Variants in TMEM117 observed in about 807,000 individuals in gnomAD.
The protein encoded by TMEM117 is transmembrane protein 117.
A neutral mutation model predicts 52.4 loss-of-function variants in TMEM117; 27 were observed. The ratio of observed to expected loss-of-function variants is 0.51; its 90% CI spans 0.38 to 0.71. The LOEUF (loss-of-function observed/expected upper bound fraction) is 0.71, where lower values mean the gene tolerates loss of function less well. TMEM117 is among the 30% of genes least tolerant of loss of function. The probability of loss-of-function intolerance (pLI) is 0.00; values close to 1 mark genes in which losing one functional copy is unlikely to be tolerated. For synonymous variants in TMEM117, 215 were observed against 206.3 expected (o/e 1.04, Z -0.36); for missense variants, 556 against 630.5 (o/e 0.88, Z 1.26).
intron 5 of TMEM117, among the ~76,000 whole-genome samples, chr12:44,259,678 A>G (rs1950299137): frequency 6.6e-6 from 1 of 152,192 alleles, no homozygotes; most frequent in African/African-American, 2.4e-5. Flanking sequence ...AAATGTTTCC[A>G]TGCATCCTTA....
intron 2 of TMEM117, among the ~76,000 whole-genome samples, chr12:43,884,104 C>T (rs1943946385): frequency 6.7e-6 from 1 of 150,334 alleles, no homozygotes; most frequent in African/African-American, 2.4e-5. Flanking sequence ...CCACTGCACT[C>T]CAGCCTGGGC....
intron 3 of TMEM117, among the ~76,000 whole-genome samples, chr12:43,950,930 G>A (rs1945210351): frequency 6.6e-6 from 1 of 152,164 alleles, no homozygotes; most frequent in Non-Finnish European, 1.5e-5. Context: ...GATGGTTTCT[G>A]CATTTCCAGC....
In TMEM117 at chr12:43,929,320, A is replaced by G. The variant is rs146653867; in HGVS notation, c.278-14890A>G. On this transcript the variant is annotated intron_variant, in intron 2 of 7. Transcript: ENST00000266534. ...TTTTTAATATTTTATTATTACTACT[A>G]TACTACCTTATTAATTACACATACT... 4.9e-3 allele frequency among the ~76,000 whole-genome samples: 752 copies of G among 152,262 alleles called. 5 individuals are homozygous for G. The highest frequency in any genetic ancestry group is 7.9e-3 in the Non-Finnish European group (536 of 68,010).
chr12:44,044,156 C>T (rs1946845519), intron 3 of TMEM117, among the ~76,000 whole-genome samples: 1 of 152,156 alleles, frequency 6.6e-6, no homozygotes, highest in African/African-American at 2.4e-5. Flanking sequence ...CCTTGTGAAA[C>T]AGATTTGTGA....
chr12:44,173,303 C>G (rs1046600981), intron 4 of TMEM117, among the ~76,000 whole-genome samples: 2 of 152,178 alleles, frequency 1.3e-5, no homozygotes, highest in African/African-American at 4.8e-5. Context: ...TCTCAAACTC[C>G]TGAGCTCAGG....
At chr12:44,128,763 G>T (rs1398183864) in intron 3 of TMEM117, among the ~76,000 whole-genome samples, 2 of 152,170 alleles carry the variant, frequency 1.3e-5, no homozygotes, top group Non-Finnish European at 2.9e-5. Flanking sequence ...TAAGCTGATT[G>T]TGTAGAAATA....
At chr12:44,325,471 A>AT (rs146446003) in intron 6 of TMEM117, among the ~76,000 whole-genome samples, 7,177 of 151,208 alleles carry the variant, frequency 0.047, 354 homozygotes, top group African/African-American at 0.12. Context: ...CAGTGGAGAT[A>AT]TTTTTTCTCA....
At chr12:44,130,835 A>G (rs56218625) in intron 3 of TMEM117, among the ~76,000 whole-genome samples, 15,777 of 151,854 alleles carry the variant, frequency 0.1, 921 homozygotes, top group Middle Eastern at 0.2. Context: ...AGAGCTGATT[A>G]TTTGTTTAAT....
intron 6 of TMEM117, among the ~76,000 whole-genome samples, chr12:44,353,810 G>C (rs944588803): frequency 2.6e-5 from 4 of 152,150 alleles, no homozygotes; most frequent in African/African-American, 9.7e-5. Flanking sequence ...GAACTTCAAA[G>C]TAGTTTTTTC....
At chr12:44,328,661 A>T (rs141466651) in intron 6 of TMEM117, among the ~76,000 whole-genome samples, 9 of 152,086 alleles carry the variant, frequency 5.9e-5, no homozygotes, top group African/African-American at 2.2e-4. Context: ...AAATTTTTCA[A>T]ATCTTTATCT....
In TMEM117 at chr12:44,206,936, C is replaced by T. The variant is rs574904221; in HGVS notation, c.511-4354C>T. Among the ~76,000 whole-genome samples, 5 of 152,226 alleles carry T rather than the reference C, an allele frequency of 3.3e-5. No individual in the cohort carries two copies. In the South Asian group the frequency reaches 8.3e-4, roughly 25 times the overall value. ...AGTGACACACAATCTACCCATGCAA[C>T]AAACCTGCACATGTACTCCCTGAAC... On this transcript the variant is annotated intron_variant, in intron 4 of 7. Transcript: ENST00000266534.
At chr12:43,818,629 C>T in the TMEM117 span, among the ~76,000 whole-genome samples, 2 of 152,018 alleles carry the variant, frequency 1.3e-5, no homozygotes, top group Admixed American at 6.6e-5. Flanking sequence ...TTAGTAGAGA[C>T]GGGGTTTCAC....
At chr12:44,313,922 A>G (rs1200782357) in intron 6 of TMEM117, among the ~76,000 whole-genome samples, 1 of 152,142 alleles carries the variant, frequency 6.6e-6, no homozygotes, top group Non-Finnish European at 1.5e-5. Flanking sequence ...TTTGGTGTAT[A>G]GAAATGGTAC....
chr12:44,076,074 G>A (rs1039931149), intron 3 of TMEM117, among the ~76,000 whole-genome samples: 16 of 152,254 alleles, frequency 1.1e-4, no homozygotes, highest in Admixed American at 1.0e-3. Flanking sequence ...TAAATGAACT[G>A]ACTTTTTCAT....
chr12:43,906,282 G>A (rs564319549), intron 2 of TMEM117, among the ~76,000 whole-genome samples: 1 of 152,136 alleles, frequency 6.6e-6, no homozygotes, highest in South Asian at 2.1e-4. Flanking sequence ...GGCCAACATG[G>A]TGAAACCTCA....
At chr12:44,249,472 A>T (rs1479229961) in intron 5 of TMEM117, among the ~76,000 whole-genome samples, 3 of 152,196 alleles carry the variant, frequency 2.0e-5, no homozygotes, top group African/African-American at 7.2e-5. Context: ...GAAATTCTTC[A>T]CAGAATTAGA....
At chr12:43,909,952 C>A (rs1419033684) in intron 2 of TMEM117, among the ~76,000 whole-genome samples, 1 of 133,334 alleles carries the variant, frequency 7.5e-6, no homozygotes, top group Non-Finnish European at 1.7e-5. Flanking sequence ...TGAAACTATT[C>A]CAATCAATAG....
chr12:43,979,072 A>G (rs1221401420), intron 3 of TMEM117, among the ~76,000 whole-genome samples: 2 of 151,778 alleles, frequency 1.3e-5, no homozygotes, highest in Admixed American at 6.6e-5. Context: ...GGGATAGAAA[A>G]CAGGTTTTGT....
chr12:43,863,418 G>T (rs896160416), intron 2 of TMEM117, among the ~76,000 whole-genome samples: 16 of 152,174 alleles, frequency 1.1e-4, no homozygotes, highest in African/African-American at 3.4e-4. Context: ...AGCAGAACAT[G>T]GATATGATCT....
Sources: gnomAD v4.1 joint callset for allele counts (sites outside exome capture counted in the v4.1 genomes callset) on GRCh38, gnomAD v4.1.1 for gene constraint, MANE v1.5 for transcripts, NCBI Gene and HGNC (gene_info 2026-07-23, HGNC 2026-07-21) for gene names.